Variants in KAT14 observed in about 807,000 individuals in gnomAD.
KAT14 encodes the protein lysine acetyltransferase 14, also known as cysteine-rich protein 2-binding protein.
Under a neutral mutation model 78.4 loss-of-function variants are expected in KAT14, and 66 were observed. The ratio of observed to expected loss-of-function variants is 0.84; its 90% CI spans 0.69 to 1.03. KAT14 has a LOEUF of 1.03. KAT14 is among the 50% of genes least tolerant of loss of function. The pLI, the probability that KAT14 is intolerant of heterozygous loss-of-function variation, is 0.00. For synonymous variants in KAT14, 344 were observed against 359.4 expected (o/e 0.96, Z 0.48); for missense variants, 870 against 972.5 (o/e 0.89, Z 1.40).
chr20:18,137,764 G>T (rs1353386067), upstream of KAT14: 1 of 515,528 alleles, frequency 1.9e-6, no homozygotes, highest in Admixed American at 4.4e-5. Flanking sequence ...CCAAGAGTTC[G>T]TAGAGCCTGG....
rs1486797304 is a variant in KAT14, at chr20:18,187,656, C to T, written c.*197C>T. ...CCCTTTAGCAAAATCGCCCTCCAGT[C>T]CTTCCTGGAGATGCCTTCAGCCAGC... is the stretch of plus-strand genomic sequence containing the variant. On this transcript the variant is annotated 3_prime_UTR_variant, in exon 11 of 11. Coordinates refer to ENST00000688188, the MANE Select transcript of KAT14 (RefSeq NM_001392073.1). The T allele has an allele frequency of 4.1e-6, 3 of 740,362 alleles. No homozygotes were observed. Among genetic ancestry groups the T allele is most frequent in the East Asian group, 3.1e-5 (1 of 32,080 alleles). 45.9% of individuals were successfully genotyped at this position (740,362 alleles called of 1,614,324 possible).
At chr20:18,167,928 TTTC>T (rs901521312) in intron 7 of KAT14, among the ~76,000 whole-genome samples, 33 of 152,320 alleles carry the variant, frequency 2.2e-4, no homozygotes, top group Admixed American at 9.8e-4. Flanking sequence ...TATCTCTTTT[TTTC>T]TTTTGTATTG....
intron 7 of KAT14, among the ~76,000 whole-genome samples, chr20:18,179,480 G>A (rs1286989852): frequency 1.3e-5 from 2 of 152,212 alleles, no homozygotes; most frequent in Non-Finnish European, 2.9e-5. Context: ...CTGGACTTCT[G>A]TGCACCCTCA....
In KAT14 at chr20:18,142,810, A is replaced by G; in HGVS notation, c.150A>G (p.Leu50=). The change falls in exon 2 of 11, where the codon TTA becomes TTG. Residue 50 remains leucine (L), a synonymous_variant. Transcript: ENST00000688188. ...VESEDQASVD[L]SHDQSGDSLN... ...CCGAGGATCAGGCATCAGTGGACTT[A>G]TCGCACGACCAGAGTGGGGATTCCC... The G allele has an allele frequency of 6.2e-7, 1 of 1,614,222 alleles. No homozygotes were observed. Among genetic ancestry groups the G allele is most frequent in the East Asian group, 2.2e-5 (1 of 44,884 alleles).
intron 4 of KAT14, among the ~76,000 whole-genome samples, chr20:18,156,720 T>C (rs987513992): frequency 4.6e-5 from 7 of 152,192 alleles, no homozygotes; most frequent in Admixed American, 1.3e-4. Flanking sequence ...CTTCCTTGGC[T>C]TGTAGATGAC....
Position 18,159,070 on chromosome 20 carries a change from C to T in KAT14, c.501-14C>T. The T allele has an allele frequency of 6.3e-7, 1 of 1,589,858 alleles. No individual in the cohort carries two copies. Among genetic ancestry groups the T allele is most frequent in the South Asian group, 1.1e-5 (1 of 87,882 alleles). ...CAAAAGTGCCAATCATTTTTAAATTCTTGGACTCTTTAGGAAAAAGACGTC... is the reference window on the plus strand; with the variant it reads ...CAAAAGTGCCAATCATTTTTAAATTTTTGGACTCTTTAGGAAAAAGACGTC... On this transcript the variant is annotated splice_polypyrimidine_tract_variant and intron_variant, in intron 4 of 10. Transcript: ENST00000688188.
chr20:18,163,285 CG>C (rs1339659075), intron 7 of KAT14, among the ~76,000 whole-genome samples: 3 of 152,114 alleles, frequency 2.0e-5, no homozygotes, highest in Non-Finnish European at 4.4e-5. Flanking sequence ...GAGGCCATGA[CG>C]GTGTCTCTGA....
At chr20:18,167,087 C>T (rs2038667760) in intron 7 of KAT14, among the ~76,000 whole-genome samples, 2 of 152,156 alleles carry the variant, frequency 1.3e-5, no homozygotes, top group Admixed American at 6.5e-5. Context: ...GACCTCCTGG[C>T]TTCTGGGGGA....
At chr20:18,160,272 A>G (rs1029761249) in intron 5 of KAT14, among the ~76,000 whole-genome samples, 11 of 152,218 alleles carry the variant, frequency 7.2e-5, no homozygotes, top group African/African-American at 2.4e-4. Context: ...AAAGTATGAA[A>G]GTTCCCCCAC....
chr20:18,179,707 C>T (rs932395457), intron 7 of KAT14, among the ~76,000 whole-genome samples: 5 of 152,168 alleles, frequency 3.3e-5, no homozygotes, highest in African/African-American at 4.8e-5. Flanking sequence ...GATTAACATT[C>T]GGCTCCTTGT....
At chr20:18,185,224 A>T (rs548338783) in intron 10 of KAT14, among the ~76,000 whole-genome samples, 8 of 152,270 alleles carry the variant, frequency 5.3e-5, no homozygotes, top group Non-Finnish European at 1.2e-4. Context: ...GAATATGTAT[A>T]TATTTTTTGA....
intron 7 of KAT14, among the ~76,000 whole-genome samples, chr20:18,173,582 TTC>T (rs2038929786): frequency 6.6e-6 from 1 of 152,206 alleles, no homozygotes; most frequent in Non-Finnish European, 1.5e-5. Context: ...CCTTTATCTT[TTC>T]CTCTTCTGCA....
At chr20:18,185,906 C>T (rs1455093143) in intron 10 of KAT14, among the ~76,000 whole-genome samples, 1 of 152,192 alleles carries the variant, frequency 6.6e-6, no homozygotes, top group Non-Finnish European at 1.5e-5. Flanking sequence ...GTAAATCACT[C>T]ACTGAGTAAT....
intron 4 of KAT14, among the ~76,000 whole-genome samples, chr20:18,155,103 T>C: frequency 6.6e-6 from 1 of 152,214 alleles, no homozygotes; most frequent in East Asian, 1.9e-4. Flanking sequence ...CAGGCTGGTC[T>C]TGAACTCCTG....
chr20:18,162,108 C>A lies in KAT14; in HGVS notation c.968C>A (p.Thr323Lys). The change falls in exon 6 of 11, where the codon ACA becomes AAA. Residue 323 changes from threonine (T) to lysine (K), a missense_variant. Transcript: ENST00000688188. ...AGCTCCTCTGACCGCACCCCGCTGA[C>A]AAGCCCATCTCCTTCTCCTTCTCTG... is the stretch of plus-strand genomic sequence containing the variant. The part of the protein sequence containing the change: ...SLSSSDRTPL[T>K]SPSPSPSLDF... 1 of 1,614,254 alleles carries A rather than the reference C, an allele frequency of 6.2e-7. No individual in the cohort carries two copies. Among genetic ancestry groups the A allele is most frequent in the Non-Finnish European group, 8.5e-7 (1 of 1,180,048 alleles).
At chr20:18,184,505 G>C in intron 9 of KAT14, 97 bp from the exon 10 acceptor site, 1 of 577,624 alleles carries the variant, frequency 1.7e-6, no homozygotes, top group Non-Finnish European at 2.5e-6. Context: ...TTTTTTTTTA[G>C]CATGCAGGTG....
intron 1 of KAT14, among the ~76,000 whole-genome samples, chr20:18,141,146 G>A (rs1219234107): frequency 6.7e-6 from 1 of 149,456 alleles, no homozygotes; most frequent in Non-Finnish European, 1.5e-5. Context: ...AAGATTACAG[G>A]AGTGCTGGGA....
rs1792158965 is a variant in KAT14, at chr20:18,142,685, A to G, written c.25A>G (p.Ser9Gly). The G allele has an allele frequency of 6.2e-7, 1 of 1,614,098 alleles. No individual in the cohort carries two copies. The highest frequency in any genetic ancestry group is 2.2e-5 in the East Asian group (1 of 44,888). MDSSIHLS[S>G]LISRHDDEAT... ...GATGGATAGTAGCATCCACCTGAGT[A>G]GTCTGATCAGTCGGCATGATGACGA... The change falls in exon 2 of 11, where the codon AGT becomes GGT. Residue 9 changes from serine (S) to glycine (G), a missense_variant. Physicochemically the swap from Ser to Gly is moderately conservative, Grantham distance 56. Transcript: ENST00000688188.
chr20:18,138,084 G>T (rs1452251105), intron 1 of KAT14, 33 bp downstream of exon 1: 2 of 1,437,436 alleles, frequency 1.4e-6, no homozygotes, highest in Non-Finnish European at 1.8e-6. Flanking sequence ...TTCCGGGCCC[G>T]CGCGCGCGGC....
Sources: gnomAD v4.1 joint callset for allele counts (sites outside exome capture counted in the v4.1 genomes callset) on GRCh38, gnomAD v4.1.1 for gene constraint, MANE v1.5 for transcripts, NCBI Gene and HGNC (gene_info 2026-07-23, HGNC 2026-07-21) for gene names.